PTPRD: variants seen among roughly 807,000 people sequenced by gnomAD.
PTPRD encodes the protein protein tyrosine phosphatase receptor type D.
PTPRD carries 34 observed loss-of-function variants against 214.5 expected under a neutral mutation model. The observed-to-expected ratio is 0.16, with a 90% CI of 0.12 to 0.21. PTPRD has a LOEUF of 0.21. Ranked by LOEUF, PTPRD falls within the 10% of genes least tolerant of loss-of-function variation. The pLI, the probability that PTPRD is intolerant of heterozygous loss-of-function variation, is 1.00. For synonymous variants in PTPRD, 1,128 were observed against 845.7 expected (o/e 1.33, Z -5.79); for missense variants, 2,545 against 2,398.7 (o/e 1.06, Z -1.27).
chr9:8,816,718 T>A (rs1459414670), intron 11 of PTPRD, among the ~76,000 whole-genome samples: 1 of 152,222 alleles, frequency 6.6e-6, no homozygotes, highest in Non-Finnish European at 1.5e-5. Flanking sequence ...AAATAGGCAC[T>A]CTTTCCATAT....
Position 8,323,352 on chromosome 9 carries a change from T to C in PTPRD, c.5535-3386A>G, listed in dbSNP as rs541867308. 2.6e-5 allele frequency among the ~76,000 whole-genome samples: 4 copies of C among 152,308 alleles called. No homozygotes were observed. In the South Asian group the frequency reaches 8.3e-4, roughly 32 times the overall value. ...AATTTCAACTTTAAAGTTTTGTTAT[T>C]TAAGAACTACATTTTATAAGGCTAT... On this transcript the variant is annotated intron_variant, in intron 44 of 45. Transcript: ENST00000381196.
At chr9:10,559,549 A>T (rs1373089439) in intron 2 of PTPRD, among the ~76,000 whole-genome samples, 1 of 152,056 alleles carries the variant, frequency 6.6e-6, no homozygotes, top group Non-Finnish European at 1.5e-5. Context: ...TTTAATAAGA[A>T]GTACAAATGA....
rs181939615 is a variant in PTPRD, at chr9:10,464,737, G to A, written c.-599-123720C>T. 3.9e-4 allele frequency among the ~76,000 whole-genome samples: 59 copies of A among 151,892 alleles called. 1 individual carries two copies. The highest frequency in any genetic ancestry group is 7.7e-4 in the East Asian group (4 of 5,170). ...TTTAAAGTAGAAAAAAAAACTCATC[G>A]TCTCATGTAACCCAGAGATAAAAGG... On this transcript the variant is annotated intron_variant, in intron 2 of 45. Transcript: ENST00000381196.
intron 14 of PTPRD, among the ~76,000 whole-genome samples, chr9:8,591,509 T>C (rs1210129370): frequency 6.6e-6 from 1 of 152,180 alleles, no homozygotes; most frequent in Non-Finnish European, 1.5e-5. Flanking sequence ...TTTCAAAAGA[T>C]AAACTGCTTG....
At chr9:9,657,255 C>A (rs574554082) in intron 7 of PTPRD, among the ~76,000 whole-genome samples, 1 of 151,798 alleles carries the variant, frequency 6.6e-6, no homozygotes, top group South Asian at 2.1e-4. Flanking sequence ...TCAAGATACA[C>A]CGTGAAATAC....
intron 4 of PTPRD, among the ~76,000 whole-genome samples, chr9:10,001,609 C>G (rs1041402207): frequency 1.3e-5 from 2 of 152,054 alleles, no homozygotes; most frequent in African/African-American, 4.8e-5. Flanking sequence ...GTATTCAAAG[C>G]ACTGAAGAAA....
At chr9:10,164,893 G>GA (rs5896374) in intron 3 of PTPRD, among the ~76,000 whole-genome samples, 15,718 of 125,852 alleles carry the variant, frequency 0.12, 1,624 homozygotes, top group East Asian at 0.35. Context: ...ATTTGAACAA[G>GA]AAAAAAAAAA....
chr9:9,067,618 C>T (rs1384264816), intron 10 of PTPRD, among the ~76,000 whole-genome samples: 1 of 152,060 alleles, frequency 6.6e-6, no homozygotes, highest in Non-Finnish European at 1.5e-5. Flanking sequence ...TACTGTAAAA[C>T]TTTTGAATTT....
intron 11 of PTPRD, among the ~76,000 whole-genome samples, chr9:8,936,678 T>C (rs1398376590): frequency 6.6e-6 from 1 of 152,172 alleles, no homozygotes; most frequent in Non-Finnish European, 1.5e-5. Context: ...TTGCCTGTGG[T>C]AAAACATTCG....
intron 9 of PTPRD, among the ~76,000 whole-genome samples, chr9:9,302,108 A>G (rs1955533107): frequency 6.6e-6 from 1 of 151,990 alleles, no homozygotes; most frequent in African/African-American, 2.4e-5. Context: ...GGTTATCTAT[A>G]TGGTTACTAA....
intron 2 of PTPRD, among the ~76,000 whole-genome samples, chr9:10,548,824 G>T (rs2060702771): frequency 6.6e-6 from 1 of 152,150 alleles, no homozygotes; most frequent in Non-Finnish European, 1.5e-5. Context: ...TAATTATAAA[G>T]TCTCCATGGG....
intron 7 of PTPRD, among the ~76,000 whole-genome samples, chr9:9,705,611 T>G (rs575647217): frequency 1.3e-5 from 2 of 152,204 alleles, no homozygotes; most frequent in Admixed American, 6.5e-5. Flanking sequence ...TATGAGTAAT[T>G]CTCAACATTT....
At chr9:10,481,343 A>AT (rs1486805571) in intron 2 of PTPRD, among the ~76,000 whole-genome samples, 1 of 152,176 alleles carries the variant, frequency 6.6e-6, no homozygotes, top group Non-Finnish European at 1.5e-5. Context: ...ATCCTATTGG[A>AT]TTTTTTATGG....
chr9:10,012,111 T>C (rs2096612773), intron 4 of PTPRD, among the ~76,000 whole-genome samples: 1 of 151,980 alleles, frequency 6.6e-6, no homozygotes, highest in Non-Finnish European at 1.5e-5. Context: ...CATCAAATGA[T>C]TTTTAATATT....
chr9:8,674,263 T>C (rs2097352314), intron 12 of PTPRD, among the ~76,000 whole-genome samples: 2 of 151,918 alleles, frequency 1.3e-5, no homozygotes, highest in African/African-American at 2.4e-5. Context: ...CTTGAGACCA[T>C]CCTGGCCAAC....
chr9:8,606,126 C>T (rs1404811343), intron 14 of PTPRD, among the ~76,000 whole-genome samples: 4 of 152,040 alleles, frequency 2.6e-5, no homozygotes, highest in African/African-American at 9.7e-5. Context: ...GAAGGCATGT[C>T]TCCAGGAATT....
intron 11 of PTPRD, among the ~76,000 whole-genome samples, chr9:8,844,401 C>A (rs1489920178): frequency 6.6e-6 from 1 of 152,122 alleles, no homozygotes; most frequent in Non-Finnish European, 1.5e-5. Flanking sequence ...TTGTTAATCA[C>A]ATTTACATTC....
rs191931454 is a variant in PTPRD at position 10,538,990 on chromosome 9, T to C, written c.-600+73408A>G. 1.3e-3 allele frequency among the ~76,000 whole-genome samples: 193 copies of C among 152,226 alleles called. 1 individual carries two copies. The highest frequency in any genetic ancestry group is 5.2e-3 in the East Asian group (27 of 5,150). On this transcript the variant is annotated intron_variant, in intron 2 of 45. Transcript: ENST00000381196. Reference sequence around the variant, plus strand: ...ACCAGCCTGTGCCTGGAGGACCTTATCCAGGGAGTAAAGTTTTGGTAATGG... The same window carrying C: ...ACCAGCCTGTGCCTGGAGGACCTTACCCAGGGAGTAAAGTTTTGGTAATGG...
chr9:9,215,701 C>A (rs370027366), intron 9 of PTPRD, among the ~76,000 whole-genome samples: 4 of 152,260 alleles, frequency 2.6e-5, no homozygotes, highest in East Asian at 3.9e-4. Flanking sequence ...CTGGATTAAA[C>A]CCTGCTTTAC....
Sources: allele counts gnomAD v4.1 joint callset (sites outside exome capture counted in the v4.1 genomes callset), GRCh38; gene constraint gnomAD v4.1.1; transcripts MANE v1.5; gene names NCBI Gene and HGNC (gene_info 2026-07-23, HGNC 2026-07-21).